The following PTPRZ1 variants were observed in gnomAD, a reference collection of about 807,000 sequenced individuals.
PTPRZ1 encodes receptor-type tyrosine-protein phosphatase zeta.
A neutral mutation model predicts 214.1 loss-of-function variants in PTPRZ1; 82 were observed. The observed-to-expected ratio is 0.38, with a 90% CI of 0.32 to 0.46. PTPRZ1 has a LOEUF of 0.46. Ranked by LOEUF, PTPRZ1 falls within the 20% of genes least tolerant of loss-of-function variation. The pLI is 1.00. For missense variants in PTPRZ1, 2,603 were observed against 2,748.7 expected (o/e 0.95, Z 1.19); for synonymous variants, 945 against 987.9 (o/e 0.96, Z 0.81).
At chr7:121,990,608 C>G (rs1478373336) in intron 8 of PTPRZ1, among the ~76,000 whole-genome samples, 1 of 149,220 alleles carries the variant, frequency 6.7e-6, no homozygotes, top group Non-Finnish European at 1.5e-5. Flanking sequence ...CAGCCTCTAC[C>G]TCCTGGGTTC....
intron 15 of PTPRZ1, 28 bp downstream of exon 15, chr7:122,031,587 T>C (rs773779965): frequency 3.8e-5 from 56 of 1,465,712 alleles, no homozygotes; most frequent in Non-Finnish European, 5.1e-5. Flanking sequence ...CTATTTTAAA[T>C]AATATAGAAA....
chr7:121,979,722 T>C (rs1797545305), intron 6 of PTPRZ1, among the ~76,000 whole-genome samples: 1 of 152,248 alleles, frequency 6.6e-6, no homozygotes, highest in Non-Finnish European at 1.5e-5. Context: ...AATGAATGAC[T>C]GACCCCAAAT....
rs543322354 is a variant in PTPRZ1, at chr7:122,061,673, A to G, written c.*453A>G. The G allele has an allele frequency of 6.5e-6, 1 of 152,818 alleles. No homozygotes were observed. The highest frequency in any genetic ancestry group is 1.9e-4 in the East Asian group (1 of 5,182). The allele number at this position is 152,818 out of a possible 1,614,324, so 9.5% of individuals were successfully genotyped here. On this transcript the variant is annotated 3_prime_UTR_variant, in exon 30 of 30. Transcript: ENST00000393386. Reference sequence around the variant, plus strand: ...ATATTCAACATTTTACAACTGCAGTATTCACCTAAAGTAGAAATAATCTGT... The same window carrying G: ...ATATTCAACATTTTACAACTGCAGTGTTCACCTAAAGTAGAAATAATCTGT...
At chr7:122,002,258 T>A (rs1017233563) in intron 10 of PTPRZ1, among the ~76,000 whole-genome samples, 1 of 152,212 alleles carries the variant, frequency 6.6e-6, no homozygotes, top group Non-Finnish European at 1.5e-5. Context: ...TCAAATGATC[T>A]CAGTCCAGTT....
intron 8 of PTPRZ1, among the ~76,000 whole-genome samples, chr7:121,989,242 T>G (rs964717339): frequency 2.0e-5 from 3 of 152,230 alleles, no homozygotes; most frequent in African/African-American, 7.2e-5. Context: ...GAAATGAATC[T>G]GATTAGACCC....
intron 1 of PTPRZ1, among the ~76,000 whole-genome samples, chr7:121,881,650 A>G (rs533230121): frequency 3.1e-4 from 47 of 152,282 alleles, no homozygotes; most frequent in Non-Finnish European, 5.1e-4. Context: ...CTCTCTTCTT[A>G]AGGCAGTTTC....
chr7:121,878,465 T>A (rs1260421887), intron 1 of PTPRZ1, among the ~76,000 whole-genome samples: 1 of 152,228 alleles, frequency 6.6e-6, no homozygotes, highest in African/African-American at 2.4e-5. Context: ...GCATGTGAGT[T>A]AGTTATGGTT....
chr7:122,035,595 A>G (rs1054162251), intron 17 of PTPRZ1, among the ~76,000 whole-genome samples: 1 of 152,212 alleles, frequency 6.6e-6, no homozygotes, highest in East Asian at 1.9e-4. Context: ...CAATCCAGAA[A>G]TTCTAAAACT....
intron 8 of PTPRZ1, among the ~76,000 whole-genome samples, chr7:121,993,572 C>CAAAAAAA (rs66916301): frequency 7.6e-4 from 56 of 73,492 alleles, no homozygotes; most frequent in Non-Finnish European, 8.7e-4. Flanking sequence ...GAGACTGTCT[C>CAAAAAAA]AAAAAAAAAA....
chr7:122,037,828 G>A (rs1344844711), intron 18 of PTPRZ1, among the ~76,000 whole-genome samples: 1 of 152,146 alleles, frequency 6.6e-6, no homozygotes, highest in African/African-American at 2.4e-5. Flanking sequence ...CCACATCAGG[G>A]TTGATGCTTC....
At chr7:122,024,720 GTTTA>G (rs1562869371) in intron 13 of PTPRZ1, among the ~76,000 whole-genome samples, 1 of 152,084 alleles carries the variant, frequency 6.6e-6, no homozygotes, top group East Asian at 1.9e-4. Flanking sequence ...TTACAGATTT[GTTTA>G]TTTGTTTGTG....
Position 121,873,350 on chromosome 7 carries a change from AAAC to A in PTPRZ1, c.-148_-146del, listed in dbSNP as rs1793940986. On this transcript the variant is annotated 5_prime_UTR_variant, in exon 1 of 30. Transcript: ENST00000393386. ...CTCTCACACACACACACACACACAC[AAAC>A]ACACATACGCACGCACGATCTCACT... 8.8e-6 allele frequency: 6 copies of A among 681,894 alleles called. No individual in the cohort carries two copies. The highest frequency in any genetic ancestry group is 5.5e-5 in the African/African-American group (3 of 55,038). 42.2% of individuals were successfully genotyped at this position (681,894 alleles called of 1,614,324 possible). A position where few individuals can be genotyped will look rare whatever the true frequency, so the allele number is the denominator to read the frequency against.
intron 1 of PTPRZ1, among the ~76,000 whole-genome samples, chr7:121,887,137 C>T (rs576221475): frequency 3.9e-5 from 6 of 152,218 alleles, no homozygotes; most frequent in African/African-American, 1.4e-4. Flanking sequence ...ACTCACATTG[C>T]GTGTCTGTTG....
intron 29 of PTPRZ1, among the ~76,000 whole-genome samples, chr7:122,060,777 G>T (rs959077437): frequency 6.6e-6 from 1 of 152,108 alleles, no homozygotes; most frequent in African/African-American, 2.4e-5. Context: ...AAACGGTTTC[G>T]CCCACAAGTT....
At chr7:121,891,475 T>TTTTTTTTTTTTTTTTTTTTTTTTTG (rs1287009987) in intron 1 of PTPRZ1, among the ~76,000 whole-genome samples, 1 of 144,848 alleles carries the variant, frequency 6.9e-6, no homozygotes, top group African/African-American at 2.6e-5. Context: ...TTTTTTTTTT[T>TTTTTTTTTTTTTTTTTTTTTTTTTG]TTTTTTAGTT....
chr7:122,013,869 T>G lies in PTPRZ1; in HGVS notation c.4823T>G (p.Val1608Gly). The change falls in exon 12 of 30, where the codon GTG becomes GGG. Residue 1608 changes from valine (V) to glycine (G), a missense_variant. By Grantham distance (109) the Val-to-Gly change is moderately radical. Coordinates refer to ENST00000393386, the MANE Select transcript of PTPRZ1 (RefSeq NM_002851.3). ...TCTGTTACTAGCGAGAACTCAGAAG[T>G]GTTCCACGTTTCAGAGGCAGGTTAG... ...TSSVTSENSEVFHVSEAEASN... is the reference protein window; with the variant it reads ...TSSVTSENSEGFHVSEAEASN... 1 of 1,608,172 alleles carries G rather than the reference T, an allele frequency of 6.2e-7. No homozygotes were observed. Among genetic ancestry groups the G allele is most frequent in the Non-Finnish European group, 8.5e-7 (1 of 1,176,624 alleles).
intron 1 of PTPRZ1, among the ~76,000 whole-genome samples, chr7:121,878,243 A>G (rs910523024): frequency 2.0e-5 from 3 of 152,198 alleles, no homozygotes; most frequent in African/African-American, 7.2e-5. Flanking sequence ...CAGTTCCCTA[A>G]TCACACCATC....
intron 15 of PTPRZ1, chr7:122,032,080 C>T (rs1268587528): frequency 6.6e-6 from 1 of 152,088 alleles, no homozygotes; most frequent in East Asian, 1.9e-4. Context: ...TAAGTTTTTT[C>T]CAATGATATT....
intron 1 of PTPRZ1, among the ~76,000 whole-genome samples, chr7:121,914,275 T>G (rs1795357231): frequency 6.6e-6 from 1 of 152,240 alleles, no homozygotes; most frequent in South Asian, 2.1e-4. Flanking sequence ...TTACTTGATA[T>G]TTTCTGGATT....
Sources: allele counts gnomAD v4.1 joint callset (sites outside exome capture counted in the v4.1 genomes callset), GRCh38; gene constraint gnomAD v4.1.1; transcripts MANE v1.5; gene names NCBI Gene and HGNC (gene_info 2026-07-23, HGNC 2026-07-21).